Variants in MMP26 observed in about 807,000 individuals in gnomAD.
The protein encoded by MMP26 is matrix metalloproteinase-26.
MMP26 carries 33 observed loss-of-function variants against 31.0 expected under a neutral mutation model. The observed-to-expected ratio is 1.06, with a 90% CI of 0.81 to 1.42. The LOEUF is 1.42. Ranked by LOEUF, MMP26 falls within the 40% of genes most tolerant of loss-of-function variation. The probability of loss-of-function intolerance (pLI) is 0.00; values close to 1 mark genes in which losing one functional copy is unlikely to be tolerated. For synonymous variants in MMP26, 122 were observed against 114.9 expected (o/e 1.06, Z -0.40); for missense variants, 347 against 316.1 (o/e 1.10, Z -0.74).
At chr11:4,724,122 G>T in intron 1 of MMP26, 1 of 622,208 alleles carries the variant, frequency 1.6e-6, no homozygotes. Context: ...GAAGTCCTGG[G>T]GGGCTAGAGG....
chr11:4,939,812 A>G (rs1846182878), intron 2 of MMP26, among the ~76,000 whole-genome samples: 1 of 152,138 alleles, frequency 6.6e-6, no homozygotes, highest in Admixed American at 6.6e-5. Context: ...TTGGAACTTA[A>G]GAGAAAGGCC....
At chr11:4,964,460 C>T (rs1846563351) in intron 2 of MMP26, among the ~76,000 whole-genome samples, 1 of 152,026 alleles carries the variant, frequency 6.6e-6, no homozygotes, top group Admixed American at 6.6e-5. Context: ...TATTCTGTTC[C>T]ATTGGTTTAT....
chr11:4,839,629 T>A (rs776365529), intron 2 of MMP26, among the ~76,000 whole-genome samples: 7 of 151,734 alleles, frequency 4.6e-5, no homozygotes, highest in Non-Finnish European at 1.0e-4. Flanking sequence ...GACCTAGTCC[T>A]GGCAGCATTT....
chr11:4,865,901 C>T (rs1850227694), intron 2 of MMP26, among the ~76,000 whole-genome samples: 1 of 152,078 alleles, frequency 6.6e-6, no homozygotes, highest in South Asian at 2.1e-4. Flanking sequence ...GAAGGGTTCT[C>T]CATGCATCTA....
Position 4,882,294 on chromosome 11 carries a change from T to G in MMP26, c.-144-105774T>G, listed in dbSNP as rs1429589197. On this transcript the variant is annotated intron_variant, in intron 2 of 7. Coordinates refer to ENST00000380390, the MANE Select transcript of MMP26 (RefSeq NM_021801.5). The stretch of plus-strand genomic sequence containing the variant: ...CGCTTCGTGGCTATCTGTAACCCAC[T>G]GAACTATGCTACTATCCTCACAGAC... 4 of 1,614,018 alleles carry G rather than the reference T, an allele frequency of 2.5e-6. No individual in the cohort carries two copies. The South Asian group carries it at 3.3e-5, about 13-fold the overall frequency.
chr11:4,815,604 A>G (rs1455752702), intron 2 of MMP26, among the ~76,000 whole-genome samples: 1 of 152,152 alleles, frequency 6.6e-6, no homozygotes, highest in African/African-American at 2.4e-5. Flanking sequence ...TAGACAGGGA[A>G]CACAGCAAAT....
chr11:4,750,764 T>C (rs1388777077), intron 1 of MMP26, among the ~76,000 whole-genome samples: 1 of 151,890 alleles, frequency 6.6e-6, no homozygotes, highest in African/African-American at 2.4e-5. Flanking sequence ...CATTGGTAAC[T>C]GGGAAGGGTA....
chr11:4,907,903 C>G, intron 2 of MMP26: 1 of 1,614,092 alleles, frequency 6.2e-7, no homozygotes, highest in Non-Finnish European at 8.5e-7. Flanking sequence ...CTCACTCATA[C>G]TGTCTTCATC....
chr11:4,817,782 G>A (rs1325544025), intron 2 of MMP26, among the ~76,000 whole-genome samples: 3 of 152,148 alleles, frequency 2.0e-5, no homozygotes, highest in Non-Finnish European at 4.4e-5. Context: ...TACACCTTGG[G>A]TCAAGTCCCA....
intron 2 of MMP26, chr11:4,946,017 C>A: frequency 1.3e-6 from 1 of 761,984 alleles, no homozygotes; most frequent in Non-Finnish European, 2.2e-6. Flanking sequence ...TATTCTCATT[C>A]GCAGTATCCA....
chr11:4,944,348 C>G (rs1047766080), intron 2 of MMP26: 5 of 165,576 alleles, frequency 3.0e-5, no homozygotes, highest in African/African-American at 1.2e-4. Flanking sequence ...CTCTCAGAGC[C>G]TCAATCTCTT....
chr11:4,867,753 C>T (rs769317567), intron 2 of MMP26, among the ~76,000 whole-genome samples: 2 of 151,944 alleles, frequency 1.3e-5, no homozygotes, highest in African/African-American at 4.8e-5. Context: ...CAGATGCTGG[C>T]AAGGTTCTGA....
At chr11:4,762,257 G>A (rs1848577537) in intron 1 of MMP26, among the ~76,000 whole-genome samples, 1 of 152,080 alleles carries the variant, frequency 6.6e-6, no homozygotes, top group Non-Finnish European at 1.5e-5. Flanking sequence ...AAACACAATA[G>A]AAGTCATTTT....
Position 4,705,987 on chromosome 11 carries a change from T to G in MMP26, c.-217+942T>G, listed in dbSNP as rs866889739. Among the ~76,000 whole-genome samples the G allele has an allele frequency of 7.4e-3, 518 of 70,032 alleles. 5 individuals carry two copies. Among genetic ancestry groups the G allele is most frequent in the South Asian group, 0.028 (78 of 2,792 alleles). The allele number at this position is 70,032 out of a possible 152,430, so 45.9% of individuals were successfully genotyped here. ...TGGTGGGGGCGGGTGGTGGTGGTGG[T>G]GGTGGGGGGAGCTGTTCTTGGACCC... On this transcript the variant is annotated intron_variant, in intron 1 of 7. Coordinates refer to ENST00000380390, the MANE Select transcript of MMP26 (RefSeq NM_021801.5).
At chr11:4,914,115 G>A (rs1851035474) in intron 2 of MMP26, 1 of 152,182 alleles carries the variant, frequency 6.6e-6, no homozygotes, top group Non-Finnish European at 1.5e-5. Context: ...AGGCTGGAAG[G>A]TTGGGGAATG....
intron 1 of MMP26, among the ~76,000 whole-genome samples, chr11:4,705,814 C>T (rs1370501398): frequency 1.3e-5 from 2 of 151,952 alleles, no homozygotes; most frequent in African/African-American, 2.4e-5. Flanking sequence ...ATGGTGAAAC[C>T]CCATCTCTAC....
At chr11:4,945,826 G>A in intron 2 of MMP26, 3 of 338,964 alleles carry the variant, frequency 8.9e-6, no homozygotes, top group Non-Finnish European at 1.1e-5. Flanking sequence ...AAAGAACTTG[G>A]TATAAGAGAT....
chr11:4,942,747 A>G (rs902071562), intron 2 of MMP26: 9 of 152,142 alleles, frequency 5.9e-5, no homozygotes, highest in African/African-American at 1.9e-4. Context: ...TATCTACATG[A>G]AAAACATTCA....
intron 1 of MMP26, among the ~76,000 whole-genome samples, chr11:4,765,049 T>C (rs1447433889): frequency 6.6e-6 from 1 of 152,234 alleles, no homozygotes; most frequent in Non-Finnish European, 1.5e-5. Context: ...ATTTGGTTGC[T>C]TGGCTTCTCC....
Sources: gnomAD v4.1 joint callset for allele counts (sites outside exome capture counted in the v4.1 genomes callset) on GRCh38, gnomAD v4.1.1 for gene constraint, MANE v1.5 for transcripts, NCBI Gene and HGNC (gene_info 2026-07-23, HGNC 2026-07-21) for gene names.